Variants in CILP2 observed in about 807,000 individuals in gnomAD.
The protein encoded by CILP2 is CILP-2.
In CILP2, 38 loss-of-function variants were observed where a neutral mutation model predicts 45.6. The observed-to-expected ratio is 0.83, with a 90% CI of 0.64 to 1.09. CILP2 has a LOEUF of 1.09. Ranked by LOEUF, CILP2 falls within the 50% of genes least tolerant of loss-of-function variation. The probability of loss-of-function intolerance (pLI) is 0.00; values close to 1 mark genes in which losing one functional copy is unlikely to be tolerated. For missense variants in CILP2, 1,735 were observed against 1,662.2 expected (o/e 1.04, Z -0.76); for synonymous variants, 780 against 723.5 (o/e 1.08, Z -1.25).
Position 19,545,574 on chromosome 19 carries a change from T to C in CILP2, c.3029T>C (p.Val1010Ala), listed in dbSNP as rs774401994. 1.3e-5 allele frequency: 21 copies of C among 1,610,954 alleles called. No homozygotes were observed. The Admixed American group carries it at 2.5e-4, about 19-fold the overall frequency. Reference sequence around the variant, plus strand: ...CAGCGGCAGGTGGACAGGACGCTGGTGACCATTATGCCCCAGGGCAGCTGC... The same window carrying C: ...CAGCGGCAGGTGGACAGGACGCTGGCGACCATTATGCCCCAGGGCAGCTGC... ...FDQRQVDRTL[V>A]TIMPQGSCRR... The change falls in exon 8 of 8, where the codon GTG (valine) becomes GCG (alanine). Residue 1010 changes from valine to alanine, a missense_variant. Val to Ala is a moderately conservative substitution (Grantham distance 64). Coordinates refer to ENST00000291495, the MANE Select transcript of CILP2 (RefSeq NM_153221.2).
Position 19,545,646 on chromosome 19 carries a change from A to G in CILP2, c.3101A>G (p.His1034Arg). 6.2e-7 allele frequency: 1 copy of G among 1,607,846 alleles called. No homozygotes were observed. The highest frequency in any genetic ancestry group is 8.5e-7 in the Non-Finnish European group (1 of 1,177,130). The change falls in exon 8 of 8, where the codon CAC becomes CGC. Residue 1034 changes from histidine (H) to arginine (R), a missense_variant. His to Arg is a conservative substitution (Grantham distance 29, BLOSUM62 0). Transcript: ENST00000291495. ...NGLLRDYLTRHPPPVPAEDPA... is the reference protein window; with the variant it reads ...NGLLRDYLTRRPPPVPAEDPA... ...CTCCTTCGGGATTACCTGACCCGGC[A>G]CCCCCCACCGGTGCCCGCGGAGGAC... is the stretch of plus-strand genomic sequence containing the variant.
chr19:19,542,526 G>T lies in CILP2; in HGVS notation c.744G>T (p.Val248=). ...ATSDAHGTFR[V]PGVCADSRAN... ...GCGATGCTCACGGAACCTTCCGGGT[G>T]CCTGGTGTCTGTGCTGACAGCCGCG... The change falls in exon 5 of 8, where the codon GTG becomes GTT. Residue 248 remains valine (V), a synonymous_variant. Transcript: ENST00000291495. 6 of 1,614,032 alleles carry T rather than the reference G, an allele frequency of 3.7e-6. No individual in the cohort carries two copies. Among genetic ancestry groups the T allele is most frequent in the Non-Finnish European group, 5.1e-6 (6 of 1,180,034 alleles).
chr19:19,539,601 G>A, intron 1 of CILP2, 78 bp from the exon 2 acceptor site: 1 of 948,054 alleles, frequency 1.1e-6, no homozygotes, highest in Non-Finnish European at 1.5e-6. Flanking sequence ...GATCGTGGCT[G>A]CACCTTGCCT....
rs767615773 is a variant in CILP2, at chr19:19,545,300, C to T, written c.2755C>T (p.Pro919Ser). The change falls in exon 8 of 8, where the codon CCT becomes TCT. Residue 919 changes from proline (P) to serine (S), a missense_variant. By Grantham distance (74) the Pro-to-Ser change is moderately conservative (BLOSUM62 -1). Transcript: ENST00000291495. ...YNVVPFREGT[P>S]ASWTGDLLAW... ...CGTGGTCCCCTTCCGAGAGGGCACA[C>T]CTGCCTCCTGGACTGGCGATCTCCT... 4.3e-6 allele frequency: 7 copies of T among 1,612,946 alleles called. No homozygotes were observed. In the South Asian group the frequency reaches 7.7e-5, roughly 18 times the overall value.
Position 19,538,370 on chromosome 19 carries a change from G to GCT in CILP2, c.24_25dup (p.Cys9SerfsTer108). The GCT allele has an allele frequency of 6.3e-7, 1 of 1,581,272 alleles. No individual in the cohort carries two copies. The highest frequency in any genetic ancestry group is 2.4e-5 in the East Asian group (1 of 42,052). ...CGGCCATGGCGTCGCTGCTGCCACT[G>GCT]CTCTGTCTCTGTGTCGTCGCTGCGC... On this transcript the variant is annotated frameshift_variant, in exon 1 of 8. Coordinates refer to ENST00000291495, the MANE Select transcript of CILP2 (RefSeq NM_153221.2). LOFTEE classifies it high-confidence loss of function.
At position 19,545,179 on chromosome 19, in the gene CILP2, G is replaced by A; in HGVS notation, c.2634G>A (p.Val878=). 3 of 1,612,756 alleles carry A rather than the reference G, an allele frequency of 1.9e-6. No homozygotes were observed. The highest frequency in any genetic ancestry group is 1.1e-5 in the South Asian group (1 of 91,064). ...PGDPAEANGP[V]YPWRSLRECQ... is the part of the protein sequence containing the mutation. ...ACCCCGCCGAGGCCAATGGGCCTGT[G>A]TACCCGTGGCGCAGCCTGCGGGAAT... The change falls in exon 8 of 8, where the codon GTG becomes GTA. Residue 878 remains valine, a synonymous_variant. Transcript: ENST00000291495.
rs1488938139 is a variant in CILP2 at position 19,542,403 on chromosome 19, G to A, written c.621G>A (p.Pro207=). The A allele has an allele frequency of 5.0e-6, 8 of 1,612,008 alleles. No homozygotes were observed. Among genetic ancestry groups the A allele is most frequent in the East Asian group, 2.2e-5 (1 of 44,858 alleles). Reference sequence around the variant, plus strand: ...GCAGCCTTGACACCTGTGAATGCCCGGACCACATCCTCCTGGGCTCGGTGG... The same window carrying A: ...GCAGCCTTGACACCTGTGAATGCCCAGACCACATCCTCCTGGGCTCGGTGG... ...PGCSLDTCEC[P]DHILLGSVVT... The change falls in exon 5 of 8, where the codon CCG becomes CCA. Residue 207 remains proline (P), a synonymous_variant. Transcript: ENST00000291495.
intron 2 of CILP2, 93 bp from the exon 3 acceptor site, chr19:19,540,111 G>C (rs2144675514): frequency 7.2e-7 from 1 of 1,394,178 alleles, no homozygotes; most frequent in African/African-American, 1.5e-5. Context: ...TGCCCACCGG[G>C]GGAGGGGGCT....
rs769147426 is a variant in CILP2, at chr19:19,544,100, C to T, written c.1555C>T (p.Arg519Trp). 2.5e-6 allele frequency: 4 copies of T among 1,613,968 alleles called. 1 individual carries two copies. The South Asian group carries it at 4.4e-5, about 18-fold the overall frequency. The change falls in exon 8 of 8, where the codon CGG (arginine) becomes TGG (tryptophan). Residue 519 changes from arginine (R) to tryptophan (W), a missense_variant. Arg to Trp is a moderately radical substitution (Grantham distance 101). Transcript: ENST00000291495. ...FTIEVPPSTQ[R>W]LVVTFVDPSG... Reference sequence around the variant, plus strand: ...CATTGAGGTGCCGCCCTCCACCCAGCGGCTGGTGGTGACTTTTGTGGACCC... The same window carrying T: ...CATTGAGGTGCCGCCCTCCACCCAGTGGCTGGTGGTGACTTTTGTGGACCC...
In CILP2 at chr19:19,543,427, C is replaced by T. The variant is rs201708106; in HGVS notation, c.1135+22C>T. 6 of 1,611,378 alleles carry T rather than the reference C, an allele frequency of 3.7e-6. No individual in the cohort carries two copies. In the Admixed American group the frequency reaches 5.0e-5, roughly 13 times the overall value. ...CTTGGTGAGTGTCCTTGGCCACAGCCCCGAGCAAGCCTTCACCCAAACGGA... is the reference window on the plus strand; with the variant it reads ...CTTGGTGAGTGTCCTTGGCCACAGCTCCGAGCAAGCCTTCACCCAAACGGA... On this transcript the variant is annotated intron_variant, in intron 7 of 7. Transcript: ENST00000291495.
rs1247478025 is a variant in CILP2 at position 19,545,506 on chromosome 19, G to A, written c.2961G>A (p.Ser987=). 1 of 1,612,480 alleles carries A rather than the reference G, an allele frequency of 6.2e-7. No homozygotes were observed. Among genetic ancestry groups the A allele is most frequent in the Non-Finnish European group, 8.5e-7 (1 of 1,179,774 alleles). Residue 987 remains serine (S), a synonymous_variant, in exon 8 of 8, where the codon TCG becomes TCA. Transcript: ENST00000291495. The part of the protein sequence containing the change: ...SVRDPERPGT[S]AACVEFKCSG... Reference sequence around the variant, plus strand: ...GAGACCCCGAGCGTCCGGGCACCTCGGCAGCCTGCGTGGAGTTCAAGTGCA... The same window carrying A: ...GAGACCCCGAGCGTCCGGGCACCTCAGCAGCCTGCGTGGAGTTCAAGTGCA...
chr19:19,540,363 C>T lies in CILP2; in HGVS notation c.323C>T (p.Ala108Val). The change falls in exon 3 of 8, where the codon GCC becomes GTC. Residue 108 changes from alanine (A) to valine (V), a missense_variant. Physicochemically the swap from Ala to Val is moderately conservative, Grantham distance 64. Transcript: ENST00000291495. ...ARTTDWALPS[A>V]VGERVHLNPT... ...ACCACGGACTGGGCCCTGCCGTCCG[C>T]CGTCGGCGAGCGCGTGCACTTGAAC... 6.5e-7 allele frequency: 1 copy of T among 1,548,574 alleles called. No homozygotes were observed. Among genetic ancestry groups the T allele is most frequent in the Non-Finnish European group, 8.7e-7 (1 of 1,152,112 alleles).
In CILP2 at chr19:19,544,884, G is replaced by C; in HGVS notation, c.2339G>C (p.Arg780Pro). Residue 780 changes from arginine (R) to proline (P), a missense_variant, in exon 8 of 8, where the codon CGC (arginine) becomes CCC (proline). Physicochemically the swap from Arg to Pro is moderately radical, Grantham distance 103 (BLOSUM62 -2). Coordinates refer to ENST00000291495, the MANE Select transcript of CILP2 (RefSeq NM_153221.2). The stretch of plus-strand genomic sequence containing the variant: ...TCCGCCAACCCCCGTGCCTGGGGCC[G>C]CTTTGACAGCGCGGTCACCGGCCCC... ...GFSANPRAWG[R>P]FDSAVTGPNG... 6.3e-7 allele frequency: 1 copy of C among 1,589,176 alleles called. No individual in the cohort carries two copies. The highest frequency in any genetic ancestry group is 1.3e-5 in the African/African-American group (1 of 74,546).
Position 19,544,344 on chromosome 19 carries a change from C to A in CILP2, c.1799C>A (p.Ser600Ter). 1.2e-6 allele frequency: 2 copies of A among 1,611,456 alleles called. No individual in the cohort carries two copies. Among genetic ancestry groups the A allele is most frequent in the South Asian group, 1.1e-5 (1 of 91,032 alleles). The change falls in exon 8 of 8, where the codon TCG (serine) becomes TAG (stop). Residue 600 changes from serine (S) to a stop codon, truncating the protein, a stop_gained. Coordinates refer to ENST00000291495, the MANE Select transcript of CILP2 (RefSeq NM_153221.2). LOFTEE classifies it low-confidence loss of function (END_TRUNC). ...CGCAGAGCCGACGGCAAACCCTACT[C>A]GGGGCCTGTGGAGGCCCGGGTGACG... ...AFRRADGKPY[S>*]GPVEARVTFV...
Position 19,543,279 on chromosome 19 carries a change from G to A in CILP2, c.1009G>A (p.Ala337Thr). 1 of 1,613,726 alleles carries A rather than the reference G, an allele frequency of 6.2e-7. No individual in the cohort carries two copies. The highest frequency in any genetic ancestry group is 1.1e-5 in the South Asian group (1 of 91,080). ...FHNGTLLDRR[A>T]HGYGAHLELR... ...CAATGGGACCCTGCTGGACAGGCGAGCTCATGGGTACGGGGCCCACCTGGA... is the reference window on the plus strand; with the variant it reads ...CAATGGGACCCTGCTGGACAGGCGAACTCATGGGTACGGGGCCCACCTGGA... Residue 337 changes from alanine to threonine, a missense_variant, in exon 7 of 8, where the codon GCT becomes ACT. Coordinates refer to ENST00000291495, the MANE Select transcript of CILP2 (RefSeq NM_153221.2).
In CILP2 at chr19:19,544,559, A is replaced by G. The variant is rs370484906; in HGVS notation, c.2014A>G (p.Met672Val). The G allele has an allele frequency of 9.1e-4, 1,428 of 1,577,842 alleles. 11 individuals are homozygous for G. In the South Asian group the frequency reaches 0.01, roughly 11 times the overall value. Residue 672 changes from methionine to valine, a missense_variant, in exon 8 of 8, where the codon ATG becomes GTG. Coordinates refer to ENST00000291495, the MANE Select transcript of CILP2 (RefSeq NM_153221.2). ...GCGGGTGGCCGCCAGCCAGATCCAC[A>G]TGCCAGGCCACGTGGAGGCCCTCAA... is the stretch of plus-strand genomic sequence containing the variant. ...AVRVAASQIH[M>V]PGHVEALKLW...
intron 1 of CILP2, among the ~76,000 whole-genome samples, chr19:19,538,924 C>A (rs563106930): frequency 6.6e-6 from 1 of 152,202 alleles, no homozygotes; most frequent in Non-Finnish European, 1.5e-5. Context: ...CAAGGACTTC[C>A]CGGCAGCTCG....
rs2061248270 is a variant in CILP2 at position 19,542,516 on chromosome 19, C to A, written c.734C>A (p.Thr245Asn). ...GTGGCCACCAGCGATGCTCACGGAACCTTCCGGGTGCCTGGTGTCTGTGCT... is the reference window on the plus strand; with the variant it reads ...GTGGCCACCAGCGATGCTCACGGAAACTTCCGGGTGCCTGGTGTCTGTGCT... The part of the protein sequence containing the change: ...GTVATSDAHG[T>N]FRVPGVCADS... Residue 245 changes from threonine to asparagine, a missense_variant, in exon 5 of 8, where the codon ACC (threonine) becomes AAC (asparagine). Thr to Asn is a moderately conservative substitution (Grantham distance 65). Coordinates refer to ENST00000291495, the MANE Select transcript of CILP2 (RefSeq NM_153221.2). 1.2e-6 allele frequency: 2 copies of A among 1,613,912 alleles called. No homozygotes were observed. Among genetic ancestry groups the A allele is most frequent in the Non-Finnish European group, 1.7e-6 (2 of 1,180,054 alleles).
intron 1 of CILP2, 21 bp downstream of exon 1, chr19:19,538,434 G>A (rs1253174648): frequency 6.6e-7 from 1 of 1,507,060 alleles, no homozygotes; most frequent in Non-Finnish European, 8.8e-7. Context: ...TCCAGCCCCC[G>A]CGCCCAGCCC....
Sources: allele counts gnomAD v4.1 joint callset (sites outside exome capture counted in the v4.1 genomes callset), GRCh38; gene constraint gnomAD v4.1.1; transcripts MANE v1.5; gene names NCBI Gene and HGNC (gene_info 2026-07-23, HGNC 2026-07-21).